The following TUBB2A variants were observed in gnomAD, a reference collection of about 807,000 sequenced individuals.
TUBB2A encodes tubulin beta 2A class IIa, also known as tubulin beta-2A chain.
In TUBB2A, 7 loss-of-function variants were observed where a neutral mutation model predicts 33.9. The ratio of observed to expected loss-of-function variants is 0.21; its 90% CI spans 0.12 to 0.39. The LOEUF is 0.39. TUBB2A is among the 10% of genes least tolerant of loss of function. The pLI, the probability that TUBB2A is intolerant of heterozygous loss-of-function variation, is 1.00. For missense variants in TUBB2A, 80 were observed against 593.4 expected, an observed-to-expected ratio of 0.13 and a Z score of 8.99; for synonymous variants, 187 against 247.6, an observed-to-expected ratio of 0.76 and a Z score of 2.30.
intron 1 of TUBB2A, 63 bp downstream of exon 1, chr6:3,157,344 C>CGCCCCG: frequency 7.4e-7 from 1 of 1,351,046 alleles, no homozygotes; most frequent in Non-Finnish European, 9.5e-7. Context: ...CTCCAGCCCC[C>CGCCCCG]GCCCCGGCCC....
In TUBB2A at chr6:3,154,929, A is replaced by G. The variant is rs1391445235; in HGVS notation, c.278-6T>C. 1.9e-6 allele frequency: 3 copies of G among 1,613,972 alleles called. No homozygotes were observed. The highest frequency in any genetic ancestry group is 2.5e-6 in the Non-Finnish European group (3 of 1,179,998). Reference sequence around the variant, plus strand: ...ATTCCCGGCTCCACTCTGGCCTGCCAGAGGGAAAGTGAACATTAGACACTA... The same window carrying G: ...ATTCCCGGCTCCACTCTGGCCTGCCGGAGGGAAAGTGAACATTAGACACTA... On this transcript the variant is annotated splice_region_variant and splice_polypyrimidine_tract_variant and intron_variant, in intron 3 of 3. Coordinates refer to ENST00000333628, the MANE Select transcript of TUBB2A (RefSeq NM_001069.3).
chr6:3,155,132 A>C lies in TUBB2A; in HGVS notation c.278-209T>G. The C allele has an allele frequency of 8.6e-5, 115 of 1,331,276 alleles. No homozygotes were observed. Among genetic ancestry groups the C allele is most frequent in the Middle Eastern group, 2.7e-4 (1 of 3,686 alleles). 82.5% of individuals were successfully genotyped at this position (1,331,276 alleles called of 1,614,324 possible). ...ATAAAGTAAGAAGTAAGTTTAGCTCATCTGAGGCTATTGATTGAGGAAGAG... is the reference window on the plus strand; with the variant it reads ...ATAAAGTAAGAAGTAAGTTTAGCTCCTCTGAGGCTATTGATTGAGGAAGAG... On this transcript the variant is annotated intron_variant, in intron 3 of 3. Transcript: ENST00000333628. This position sits in a 1 kb window ranked among gnomAD's most constrained non-coding sequence, Gnocchi z 4.2.
intron 1 of TUBB2A, among the ~76,000 whole-genome samples, chr6:3,156,883 C>T (rs1404621578): frequency 6.6e-6 from 1 of 152,204 alleles, no homozygotes; most frequent in African/African-American, 2.4e-5. Flanking sequence ...TTGCAGCCCC[C>T]ACCCAGCGCA....
chr6:3,157,215 T>A (rs962316179), intron 1 of TUBB2A, among the ~76,000 whole-genome samples, 192 bp downstream of exon 1: 5 of 152,334 alleles, frequency 3.3e-5, no homozygotes, highest in Non-Finnish European at 7.4e-5. Flanking sequence ...AGGCCCCCGA[T>A]TAAACGCACA....
At chr6:3,157,327 CCG>C in intron 1 of TUBB2A, 78 bp downstream of exon 1, 1 of 1,284,958 alleles carries the variant, frequency 7.8e-7, no homozygotes, top group South Asian at 2.4e-5. Context: ...CCCGGGGCCG[CCG>C]CGGCCTCCAG....
In TUBB2A at chr6:3,156,822, C is replaced by T. The variant is rs528164233; in HGVS notation, c.57+585G>A. On this transcript the variant is annotated intron_variant, in intron 1 of 3. Transcript: ENST00000333628. Reference sequence around the variant, plus strand: ...GACCACGTCCTTGTACTGGCGCCCGCCCCCACCCATGCACCAGACCCGCTG... The same window carrying T: ...GACCACGTCCTTGTACTGGCGCCCGTCCCCACCCATGCACCAGACCCGCTG... Among the ~76,000 whole-genome samples the T allele has an allele frequency of 5.9e-5, 9 of 152,206 alleles. No individual in the cohort carries two copies. In the East Asian group the frequency reaches 1.7e-3, roughly 29 times the overall value.
At position 3,155,665 on chromosome 6, in the gene TUBB2A, T is replaced by C. The variant is rs747419373; in HGVS notation, c.237A>G (p.Gly79=). ...CTGGTCTGAAGATCTGGCCGAAGGGTCCAGACCTGACAGAGTCCATGGTGC... is the reference window on the plus strand; with the variant it reads ...CTGGTCTGAAGATCTGGCCGAAGGGCCCAGACCTGACAGAGTCCATGGTGC... The part of the protein sequence containing the change: ...EPGTMDSVRS[G]PFGQIFRPDN... Residue 79 remains glycine (G), a synonymous_variant, in exon 3 of 4, where the codon GGA becomes GGG. Coordinates refer to ENST00000333628, the MANE Select transcript of TUBB2A (RefSeq NM_001069.3). The surrounding 1 kb of genome is among the most constrained non-coding windows in gnomAD (Gnocchi z 4.2). The C allele has an allele frequency of 1.2e-6, 2 of 1,613,854 alleles. No homozygotes were observed. The highest frequency in any genetic ancestry group is 1.3e-5 in the African/African-American group (1 of 74,866).
chr6:3,157,525 G>C lies in TUBB2A; in HGVS notation c.-62C>G, dbSNP rs1762658509. 7.8e-6 allele frequency: 11 copies of C among 1,416,452 alleles called. No individual in the cohort carries two copies. The highest frequency in any genetic ancestry group is 1.0e-5 in the Non-Finnish European group (11 of 1,089,080). 87.7% of individuals were successfully genotyped at this position (1,416,452 alleles called of 1,614,324 possible). A position where few individuals can be genotyped will look rare whatever the true frequency, so the allele number is the denominator to read the frequency against. On this transcript the variant is annotated 5_prime_UTR_variant, in exon 1 of 4. Coordinates refer to ENST00000333628, the MANE Select transcript of TUBB2A (RefSeq NM_001069.3). ...AGCGGTGCGCGGCGTGGACCGGCGGGCTGGGCTGCGCAGAGACCTGCCGCC... is the reference window on the plus strand; with the variant it reads ...AGCGGTGCGCGGCGTGGACCGGCGGCCTGGGCTGCGCAGAGACCTGCCGCC...
At position 3,155,404 on chromosome 6, in the gene TUBB2A, T is replaced by C. The variant is rs1027254075; in HGVS notation, c.277+221A>G. Reference sequence around the variant, plus strand: ...TTTCCTTGCTCTTTCTTCCTTCCAGTCTGAGGCTGCTCTGCAATGGGAGGG... The same window carrying C: ...TTTCCTTGCTCTTTCTTCCTTCCAGCCTGAGGCTGCTCTGCAATGGGAGGG... On this transcript the variant is annotated intron_variant, in intron 3 of 3. Coordinates refer to ENST00000333628, the MANE Select transcript of TUBB2A (RefSeq NM_001069.3). This position sits in a 1 kb window ranked among gnomAD's most constrained non-coding sequence, Gnocchi z 4.2. Among the ~76,000 whole-genome samples, 1 of 152,166 alleles carries C rather than the reference T, an allele frequency of 6.6e-6. No individual in the cohort carries two copies. Among genetic ancestry groups the C allele is most frequent in the Non-Finnish European group, 1.5e-5 (1 of 68,030 alleles).
At chr6:3,157,339 G>A (rs1762654515) in intron 1 of TUBB2A, 68 bp downstream of exon 1, 1 of 1,336,242 alleles carries the variant, frequency 7.5e-7, no homozygotes, top group Non-Finnish European at 9.6e-7. Flanking sequence ...GCGGCCTCCA[G>A]CCCCCGCCCC....
chr6:3,155,607 G>A lies in TUBB2A; in HGVS notation c.277+18C>T. On this transcript the variant is annotated intron_variant, in intron 3 of 3. Transcript: ENST00000333628. This position sits in a 1 kb window ranked among gnomAD's most constrained non-coding sequence, Gnocchi z 4.2. ...AGGTGTGTCATTTGGCCAGTTCCCA[G>A]TGATCATGACTACATACCGAACACG... 1 of 1,594,666 alleles carries A rather than the reference G, an allele frequency of 6.3e-7. No homozygotes were observed. The highest frequency in any genetic ancestry group is 8.6e-7 in the Non-Finnish European group (1 of 1,165,352).
Position 3,153,886 on chromosome 6 carries a change from C to A in TUBB2A, c.1315G>T (p.Glu439Ter). The A allele has an allele frequency of 6.2e-7, 1 of 1,614,044 alleles. No individual in the cohort carries two copies. Among genetic ancestry groups the A allele is most frequent in the South Asian group, 1.1e-5 (1 of 91,078 alleles). ...TADEQGEFEE[E>*]EGEDEA Reference sequence around the variant, plus strand: ...TTTTAAGCCTCGTCCTCGCCCTCCTCCTCCTCGAACTCCCCTTGTTCGTCG... The same window carrying A: ...TTTTAAGCCTCGTCCTCGCCCTCCTACTCCTCGAACTCCCCTTGTTCGTCG... The change falls in exon 4 of 4, where the codon GAG becomes TAG. Residue 439 changes from glutamate (E) to a stop codon, truncating the protein, a stop_gained. Transcript: ENST00000333628. LOFTEE classifies it high-confidence loss of function.
In TUBB2A at chr6:3,155,826, G is replaced by A; in HGVS notation, c.167-91C>T. 1 of 1,353,260 alleles carries A rather than the reference G, an allele frequency of 7.4e-7. No individual in the cohort carries two copies. The highest frequency in any genetic ancestry group is 1.0e-6 in the Non-Finnish European group (1 of 979,428). The allele number at this position is 1,353,260 out of a possible 1,614,324, so 83.8% of individuals were successfully genotyped here. ...AGCATCTGAGACAAAAGGAGAACAG[G>A]AGATTTTCTGCTTTTAAGAAAAAGG... On this transcript the variant is annotated intron_variant, in intron 2 of 3. Coordinates refer to ENST00000333628, the MANE Select transcript of TUBB2A (RefSeq NM_001069.3). This position sits in a 1 kb window ranked among gnomAD's most constrained non-coding sequence, Gnocchi z 4.2.
rs1762616454 is a variant in TUBB2A at position 3,155,424 on chromosome 6, G to T, written c.277+201C>A. Among the ~76,000 whole-genome samples, 1 of 152,166 alleles carries T rather than the reference G, an allele frequency of 6.6e-6. No individual in the cohort carries two copies. Among genetic ancestry groups the T allele is most frequent in the Non-Finnish European group, 1.5e-5 (1 of 68,032 alleles). On this transcript the variant is annotated intron_variant, in intron 3 of 3. Transcript: ENST00000333628. The surrounding 1 kb of genome is among the most constrained non-coding windows in gnomAD (Gnocchi z 4.2). The stretch of plus-strand genomic sequence containing the variant: ...TCCAGTCTGAGGCTGCTCTGCAATG[G>T]GAGGGCTGCAGCAGCCCTCTGCAGG...
At position 3,156,120 on chromosome 6, in the gene TUBB2A, G is replaced by T; in HGVS notation, c.90C>A (p.Ile30=). The T allele has an allele frequency of 1.2e-5, 20 of 1,613,748 alleles. No individual in the cohort carries two copies. Among genetic ancestry groups the T allele is most frequent in the Non-Finnish European group, 1.6e-5 (19 of 1,179,704 alleles). The part of the protein sequence containing the change: ...FWEVISDEHG[I]DPTGSYHGDS... ...CTCCATGGTAACTGCCTGTGGGGTC[G>T]ATCCCATGCTCATCGCTGATGACCT... The change falls in exon 2 of 4, where the codon ATC becomes ATA. Residue 30 remains isoleucine (I), a synonymous_variant. Transcript: ENST00000333628.
In TUBB2A at chr6:3,155,802, G is replaced by A. The variant is rs1001412724; in HGVS notation, c.167-67C>T. On this transcript the variant is annotated intron_variant, in intron 2 of 3. Coordinates refer to ENST00000333628, the MANE Select transcript of TUBB2A (RefSeq NM_001069.3). This position sits in a 1 kb window ranked among gnomAD's most constrained non-coding sequence, Gnocchi z 4.2. Reference sequence around the variant, plus strand: ...GGACTCACAGCAGCATTCAATTCCAGCATCTGAGACAAAAGGAGAACAGGA... The same window carrying A: ...GGACTCACAGCAGCATTCAATTCCAACATCTGAGACAAAAGGAGAACAGGA... 2.0e-5 allele frequency: 28 copies of A among 1,432,318 alleles called. No homozygotes were observed. Among genetic ancestry groups the A allele is most frequent in the African/African-American group, 5.6e-5 (4 of 70,876 alleles). The allele number at this position is 1,432,318 out of a possible 1,614,324, so 88.7% of individuals were successfully genotyped here. A position where few individuals can be genotyped will look rare whatever the true frequency, so the allele number is the denominator to read the frequency against.
At chr6:3,154,980 C>T (rs1762606963) in intron 3 of TUBB2A, 57 bp from the exon 4 acceptor site, 13 of 1,608,502 alleles carry the variant, frequency 8.1e-6, no homozygotes, top group South Asian at 3.3e-5. Flanking sequence ...CAAAATCTGT[C>T]ATTTTGACTA....
chr6:3,153,859 G>C lies in TUBB2A; in HGVS notation c.*4C>G, dbSNP rs1252088773. On this transcript the variant is annotated 3_prime_UTR_variant, in exon 4 of 4. Coordinates refer to ENST00000333628, the MANE Select transcript of TUBB2A (RefSeq NM_001069.3). ...TAAGGATGCACGATTGATCTGAGAA[G>C]TTTTTAAGCCTCGTCCTCGCCCTCC... 1.2e-6 allele frequency: 2 copies of C among 1,614,052 alleles called. No homozygotes were observed. The highest frequency in any genetic ancestry group is 1.7e-6 in the Non-Finnish European group (2 of 1,179,994).
At chr6:3,157,228 C>T (rs921214068) in intron 1 of TUBB2A, among the ~76,000 whole-genome samples, 179 bp downstream of exon 1, 1 of 152,228 alleles carries the variant, frequency 6.6e-6, no homozygotes, top group Non-Finnish European at 1.5e-5. Context: ...AACGCACACA[C>T]AGCTGCGGCG....
Sources: allele counts gnomAD v4.1 joint callset (sites outside exome capture counted in the v4.1 genomes callset), GRCh38; gene constraint gnomAD v4.1.1; non-coding constraint Gnocchi (gnomAD v3.1); transcripts MANE v1.5; gene names NCBI Gene and HGNC (gene_info 2026-07-23, HGNC 2026-07-21).